The following CECR2 variants were observed in gnomAD, a reference collection of about 807,000 sequenced individuals.
CECR2 encodes the protein CECR2 histone acetyl-lysine reader.
A neutral mutation model predicts 154.5 loss-of-function variants in CECR2; 30 were observed. The observed-to-expected ratio is 0.19, with a 90% CI of 0.15 to 0.26. The LOEUF (loss-of-function observed/expected upper bound fraction) is 0.26. Among genes scored for constraint, CECR2 ranks in the 10% least tolerant of loss-of-function variants. The pLI is 1.00. For missense variants in CECR2, 1,743 were observed against 1,829.3 expected (o/e 0.95, Z 0.86); for synonymous variants, 725 against 683.7 (o/e 1.06, Z -0.94).
intron 1 of CECR2, among the ~76,000 whole-genome samples, chr22:17,421,298 G>A (rs553039861): frequency 1.4e-4 from 21 of 151,760 alleles, no homozygotes; most frequent in Non-Finnish European, 2.6e-4. Context: ...GTGAAACCCC[G>A]TCTCTACTAA....
chr22:17,390,234 ATTGACGGTCCC>A (rs1295236205), intron 1 of CECR2, among the ~76,000 whole-genome samples: 1 of 152,094 alleles, frequency 6.6e-6, no homozygotes, highest in Non-Finnish European at 1.5e-5. Context: ...CATTCATTCT[ATTGACGGTCCC>A]TCCACTTGGG....
rs572712907 is a variant in CECR2 at position 17,481,049 on chromosome 22, T to TAAAAAAAAAAAAAAAAAAAAAAAAAAA, written c.221+3379_221+3380insAAAAAAAAAAAAAAAAAAAAAAAAAAA. 5.4e-5 allele frequency among the ~76,000 whole-genome samples: 5 copies of TAAAAAAAAAAAAAAAAAAAAAAAAAAA among 92,066 alleles called. 1 individual carries two copies. The highest frequency in any genetic ancestry group is 9.6e-5 in the Non-Finnish European group (4 of 41,716). The allele number at this position is 92,066 out of a possible 152,430, so 60.4% of individuals were successfully genotyped here. ...AGTGAGACTCCATCTCTTTTTTTTT[T>TAAAAAAAAAAAAAAAAAAAAAAAAAAA]AAAAAAAAAAAAGGCCGGGCACGGT... On this transcript the variant is annotated intron_variant, in intron 2 of 18. Coordinates refer to ENST00000262608, the MANE Select transcript of CECR2 (RefSeq NM_001290047.2).
chr22:17,467,797 A>AAGAG (rs57392385), intron 1 of CECR2, among the ~76,000 whole-genome samples: 14,900 of 144,962 alleles, frequency 0.1, 953 homozygotes, highest in Non-Finnish European at 0.15. Flanking sequence ...AAAAGAAAGA[A>AAGAG]AGAGAGAGAG....
chr22:17,379,759 A>G (rs535889455), intron 1 of CECR2, among the ~76,000 whole-genome samples: 1 of 152,242 alleles, frequency 6.6e-6, no homozygotes, highest in East Asian at 1.9e-4. Flanking sequence ...CTCAGCAAGC[A>G]TGGTGAAATA....
intron 1 of CECR2, among the ~76,000 whole-genome samples, chr22:17,470,100 G>A (rs376551654): frequency 8.8e-4 from 134 of 152,124 alleles, no homozygotes; most frequent in South Asian, 5.4e-3. Flanking sequence ...TTCAATCACA[G>A]GAACCTACCA....
At chr22:17,457,379 G>T (rs2054870692) in intron 1 of CECR2, among the ~76,000 whole-genome samples, 1 of 152,092 alleles carries the variant, frequency 6.6e-6, no homozygotes. Context: ...GAACTAATAG[G>T]GTCTTGGAAT....
chr22:17,542,410 C>A lies in CECR2; in HGVS notation c.2267C>A (p.Pro756His), dbSNP rs1460829754. The A allele has an allele frequency of 6.2e-7, 1 of 1,613,882 alleles. No individual in the cohort carries two copies. ...PDFPESSEIPPSHMYRSYKYL... is the reference protein window; with the variant it reads ...PDFPESSEIPHSHMYRSYKYL... Reference sequence around the variant, plus strand: ...TTTCCTGAAAGCTCAGAAATTCCTCCCAGCCATATGTATCGATCGTACAAG... The same window carrying A: ...TTTCCTGAAAGCTCAGAAATTCCTCACAGCCATATGTATCGATCGTACAAG... Residue 756 changes from proline (P) to histidine (H), a missense_variant, in exon 16 of 19, where the codon CCC becomes CAC. Coordinates refer to ENST00000262608, the MANE Select transcript of CECR2 (RefSeq NM_001290047.2).
In CECR2 at chr22:17,408,864, C is replaced by CT. The variant is rs914512280; in HGVS notation, c.126+38956dup. Reference sequence around the variant, plus strand: ...GGCTTTCTCTTGCATTTAGAATAGTCTAAGTCCCTTACCATTGCTTAGTGG... The same window carrying CT: ...GGCTTTCTCTTGCATTTAGAATAGTCTTAAGTCCCTTACCATTGCTTAGTGG... On this transcript the variant is annotated intron_variant, in intron 1 of 18. Transcript: ENST00000262608. 4.6e-5 allele frequency among the ~76,000 whole-genome samples: 7 copies of CT among 152,354 alleles called. No individual in the cohort carries two copies. In the South Asian group the frequency reaches 8.3e-4, roughly 18 times the overall value.
At chr22:17,385,118 G>C (rs2063243658) in intron 1 of CECR2, among the ~76,000 whole-genome samples, 1 of 152,216 alleles carries the variant, frequency 6.6e-6, no homozygotes, top group South Asian at 2.1e-4. Flanking sequence ...TTCAGGGAAT[G>C]TTGTGGCTGC....
chr22:17,473,963 A>G (rs2055168321), intron 1 of CECR2, among the ~76,000 whole-genome samples: 1 of 152,196 alleles, frequency 6.6e-6, no homozygotes. Context: ...GGCTGTTTTG[A>G]TAGAACATTC....
At chr22:17,412,919 T>C (rs1448797441) in intron 1 of CECR2, among the ~76,000 whole-genome samples, 2 of 152,202 alleles carry the variant, frequency 1.3e-5, no homozygotes, top group African/African-American at 4.8e-5. Flanking sequence ...CGATGCTGCT[T>C]TTTTTGCGGC....
At chr22:17,419,533 AAGAG>A in intron 1 of CECR2, 1 of 192,740 alleles carries the variant, frequency 5.2e-6, no homozygotes, top group Non-Finnish European at 9.4e-6. Flanking sequence ...GAAGAAGAGG[AAGAG>A]GAAGAGGAAG....
At chr22:17,467,924 G>T (rs1384785840) in intron 1 of CECR2, among the ~76,000 whole-genome samples, 2 of 152,320 alleles carry the variant, frequency 1.3e-5, no homozygotes, top group East Asian at 3.9e-4. Flanking sequence ...ACCATGAGCT[G>T]ATGTGAAATG....
intron 1 of CECR2, among the ~76,000 whole-genome samples, chr22:17,377,535 C>A (rs1273118965): frequency 6.6e-6 from 1 of 151,992 alleles, no homozygotes; most frequent in Non-Finnish European, 1.5e-5. Flanking sequence ...GTAGCTGGGA[C>A]TCCAGGCACA....
At chr22:17,461,676 T>A (rs2054939850) in intron 1 of CECR2, among the ~76,000 whole-genome samples, 6 of 152,210 alleles carry the variant, frequency 3.9e-5, no homozygotes, top group Admixed American at 3.3e-4. Flanking sequence ...GAAGTCAGTC[T>A]TCGTTCCAGA....
chr22:17,446,585 C>T (rs1192780824), intron 1 of CECR2, among the ~76,000 whole-genome samples: 8 of 148,936 alleles, frequency 5.4e-5, no homozygotes, highest in Non-Finnish European at 1.0e-4. Context: ...GGTGTGGTGG[C>T]GGGCGCCTGT....
At chr22:17,363,403 T>A (rs1461852717) in intron 1 of CECR2, among the ~76,000 whole-genome samples, 4 of 152,078 alleles carry the variant, frequency 2.6e-5, no homozygotes, top group Non-Finnish European at 5.9e-5. Context: ...ACACGGACAT[T>A]CACCATATCG....
chr22:17,538,771 A>G (rs762394400), intron 12 of CECR2, 40 bp downstream of exon 12: 5 of 1,524,820 alleles, frequency 3.3e-6, no homozygotes, highest in Non-Finnish European at 3.6e-6. Flanking sequence ...TATAGTGTGT[A>G]TATCTTTCTT....
At chr22:17,407,538 T>TGAGC (rs1053974723) in intron 1 of CECR2, among the ~76,000 whole-genome samples, 2 of 151,182 alleles carry the variant, frequency 1.3e-5, no homozygotes, top group Non-Finnish European at 2.9e-5. Context: ...GAGATTGCAG[T>TGAGC]GAGCTGAGAT....
Sources: allele counts gnomAD v4.1 joint callset (sites outside exome capture counted in the v4.1 genomes callset), GRCh38; gene constraint gnomAD v4.1.1; transcripts MANE v1.5; gene names NCBI Gene and HGNC (gene_info 2026-07-23, HGNC 2026-07-21).